Variants in RARB observed in about 807,000 individuals in gnomAD.
The protein encoded by RARB is HBV-activated protein.
RARB carries 17 observed loss-of-function variants against 51.9 expected under a neutral mutation model. The observed-to-expected ratio is 0.33, with a 90% CI of 0.22 to 0.49. RARB has a LOEUF of 0.49. Among genes scored for constraint, RARB ranks in the 20% least tolerant of loss-of-function variants. The pLI, the probability that RARB is intolerant of heterozygous loss-of-function variation, is 0.99. For missense variants in RARB, 369 were observed against 550.8 expected (o/e 0.67, Z 3.30); for synonymous variants, 215 against 195.4 (o/e 1.10, Z -0.84).
upstream of RARB, among the ~76,000 whole-genome samples, chr3:25,424,631 C>T (rs897003705): frequency 1.3e-5 from 2 of 152,210 alleles, no homozygotes; most frequent in Non-Finnish European, 2.9e-5. Flanking sequence ...CCACCTCCCC[C>T]AGCCCTGTGC....
rs71057702 is a variant in RARB, at chr3:25,186,885, C to CTGTGTGTGTGTGTGTG, written c.178+12350_178+12365dup. Among the ~76,000 whole-genome samples the CTGTGTGTGTGTGTGTG allele has an allele frequency of 1.1e-3, 130 of 114,280 alleles. 3 individuals are homozygous for CTGTGTGTGTGTGTGTG. Among genetic ancestry groups the CTGTGTGTGTGTGTGTG allele is most frequent in the East Asian group, 1.5e-3 (5 of 3,362 alleles). The allele number at this position is 114,280 out of a possible 152,430, so 75.0% of individuals were successfully genotyped here. ...TGAAGACCCAAAGAAAAAGGTAAGC[C>CTGTGTGTGTGTGTGTG]TGTGTGTGTGTGTGTGTGTGTGTGT... is the stretch of plus-strand genomic sequence containing the variant. On this transcript the variant is annotated intron_variant, in intron 5 of 11. Transcript: ENST00000383772.
chr3:25,347,158 A>G (rs2125454848), intron 5 of RARB, among the ~76,000 whole-genome samples: 1 of 152,266 alleles, frequency 6.6e-6, no homozygotes, highest in South Asian at 2.1e-4. Flanking sequence ...CCACATGCAG[A>G]CTCTAAGAAA....
At chr3:24,989,254 G>A in intron 2 of RARB, among the ~76,000 whole-genome samples, 1 of 152,234 alleles carries the variant, frequency 6.6e-6, no homozygotes, top group Admixed American at 6.5e-5. Context: ...CCATCAGAAT[G>A]GGATATTGAA....
chr3:25,532,535 A>G (rs1055399242), intron 3 of RARB, among the ~76,000 whole-genome samples: 2 of 152,152 alleles, frequency 1.3e-5, no homozygotes, highest in Non-Finnish European at 2.9e-5. Context: ...GTGTCGTGGT[A>G]GTTTCTCTAG....
intron 3 of RARB, among the ~76,000 whole-genome samples, chr3:25,061,731 G>A (rs963243756): frequency 6.6e-6 from 1 of 151,770 alleles, no homozygotes; most frequent in Admixed American, 6.6e-5. Flanking sequence ...GGAGAGAAAG[G>A]TGTTTTATAC....
chr3:24,943,291 C>A (rs985684370), intron 2 of RARB, among the ~76,000 whole-genome samples: 8 of 152,122 alleles, frequency 5.3e-5, no homozygotes, highest in African/African-American at 1.9e-4. Context: ...GAATGTAATT[C>A]TTTCTGCTTG....
chr3:25,526,156 A>G (rs1042883602), intron 3 of RARB, among the ~76,000 whole-genome samples: 2 of 152,218 alleles, frequency 1.3e-5, no homozygotes, highest in African/African-American at 4.8e-5. Flanking sequence ...AGAAGAGGGC[A>G]TTCCAGGTAG....
In RARB at chr3:25,363,511, C is replaced by T. The variant is rs1023651051; in HGVS notation, c.179-97682C>T. ...GTTGCTTAGGCCACTTGACATCATT[C>T]TTGTCTCCTTTCTTTCTGTCTTATA... On this transcript the variant is annotated intron_variant, in intron 5 of 11. Coordinates refer to the RARB transcript ENST00000383772. 2.6e-5 allele frequency among the ~76,000 whole-genome samples: 4 copies of T among 152,128 alleles called. No homozygotes were observed. The East Asian group carries it at 7.7e-4, about 29-fold the overall frequency.
chr3:25,474,205 C>T (rs1056708428), intron 2 of RARB, among the ~76,000 whole-genome samples: 2 of 152,174 alleles, frequency 1.3e-5, no homozygotes, highest in African/African-American at 4.8e-5. Context: ...AAGTCCCCCA[C>T]ATCAGGAAAA....
intron 4 of RARB, among the ~76,000 whole-genome samples, chr3:25,155,507 T>G (rs1307445485): frequency 6.6e-6 from 1 of 152,112 alleles, no homozygotes; most frequent in African/African-American, 2.4e-5. Flanking sequence ...TGCTTTAGAG[T>G]TGCTAGAATT....
intron 2 of RARB, among the ~76,000 whole-genome samples, chr3:24,861,238 T>G (rs1218879141): frequency 4.6e-5 from 7 of 152,206 alleles, no homozygotes; most frequent in Admixed American, 4.6e-4. Context: ...ATAAGTAATC[T>G]AGAGCTGACT....
rs75186324 is a variant in RARB, at chr3:25,080,142, C to T, written c.-328+19966C>T. ...CAGCCTCTAATGTACTTTGTCTCCACGAATTTGCCTGTTTTGGGTATTTCA... is the reference window on the plus strand; with the variant it reads ...CAGCCTCTAATGTACTTTGTCTCCATGAATTTGCCTGTTTTGGGTATTTCA... On this transcript the variant is annotated intron_variant, in intron 3 of 11. Transcript: ENST00000383772. 4.4e-3 allele frequency among the ~76,000 whole-genome samples: 672 copies of T among 152,282 alleles called. 3 individuals are homozygous for T. Among genetic ancestry groups the T allele is most frequent in the African/African-American group, 0.015 (632 of 41,566 alleles).
chr3:25,300,761 G>A (rs958586869), intron 5 of RARB, among the ~76,000 whole-genome samples: 19 of 152,050 alleles, frequency 1.2e-4, no homozygotes, highest in African/African-American at 4.1e-4. Flanking sequence ...AGGCCGAGGC[G>A]GGCGGATTGC....
intron 3 of RARB, among the ~76,000 whole-genome samples, chr3:25,556,510 GA>G (rs1700066400): frequency 6.6e-6 from 1 of 152,016 alleles, no homozygotes. Context: ...CTAATCTTTT[GA>G]AAAAGCAAAA....
intron 2 of RARB, among the ~76,000 whole-genome samples, chr3:25,467,547 A>G (rs1695492230): frequency 7.1e-6 from 1 of 140,904 alleles, no homozygotes; most frequent in Non-Finnish European, 1.6e-5. Flanking sequence ...GAACCAGCTC[A>G]AACAAACACT....
chr3:25,451,041 C>T (rs1052310445), intron 1 of RARB, among the ~76,000 whole-genome samples: 14 of 152,130 alleles, frequency 9.2e-5, no homozygotes, highest in African/African-American at 2.2e-4. Flanking sequence ...GAGCTGAGAT[C>T]GTGCCATGGC....
chr3:25,594,796 T>A, intron 7 of RARB, 118 bp downstream of exon 7: 1 of 985,758 alleles, frequency 1.0e-6, no homozygotes, highest in Non-Finnish European at 1.4e-6. Context: ...TTGGAACTCA[T>A]TTCTCATTGA....
Position 25,249,042 on chromosome 3 carries a change from T to A in RARB, c.178+74467T>A, listed in dbSNP as rs1702639501. Among the ~76,000 whole-genome samples the A allele has an allele frequency of 3.3e-5, 5 of 152,286 alleles. No homozygotes were observed. The South Asian group carries it at 1.0e-3, about 32-fold the overall frequency. ...AATAGGTTTTCTGTGTCTTTCATTT[T>A]CTCTTTGCCTGATGGGACACTGGAA... On this transcript the variant is annotated intron_variant, in intron 5 of 11. Transcript: ENST00000383772.
At chr3:24,900,931 C>T (rs949736802) in intron 2 of RARB, among the ~76,000 whole-genome samples, 1 of 152,142 alleles carries the variant, frequency 6.6e-6, no homozygotes, top group Non-Finnish European at 1.5e-5. Context: ...GGGATGCATA[C>T]ATACAAGATT....
Sources: gnomAD v4.1 joint callset for allele counts (sites outside exome capture counted in the v4.1 genomes callset) on GRCh38, gnomAD v4.1.1 for gene constraint, MANE v1.5 for transcripts, NCBI Gene and HGNC (gene_info 2026-07-23, HGNC 2026-07-21) for gene names.